The following TC2N variants were observed in gnomAD, a reference collection of about 807,000 sequenced individuals.
TC2N encodes tandem C2 domains nuclear protein.
A neutral mutation model predicts 61.9 loss-of-function variants in TC2N; 51 were observed. The observed-to-expected ratio is 0.82, with a 90% CI of 0.66 to 1.04. The LOEUF is 1.04. TC2N is among the 50% of genes least tolerant of loss of function. TC2N has a pLI of 0.00. For missense variants in TC2N, 556 were observed against 566.7 expected, an observed-to-expected ratio of 0.98 and a Z score of 0.19; for synonymous variants, 204 against 192.6, an observed-to-expected ratio of 1.06 and a Z score of -0.49.
Position 91,824,511 on chromosome 14 carries a change from A to T in TC2N, c.-56-10686T>A, listed in dbSNP as rs567356951. On this transcript the variant is annotated intron_variant, in intron 1 of 11. Coordinates refer to ENST00000435962, the MANE Select transcript of TC2N (RefSeq NM_001128596.3). Reference sequence around the variant, plus strand: ...ATCCAGCTAATTAACTAAGCCAGAAATACAAGTGCCATTCTTGAGTCCTTC... The same window carrying T: ...ATCCAGCTAATTAACTAAGCCAGAATTACAAGTGCCATTCTTGAGTCCTTC... Among the ~76,000 whole-genome samples, 379 of 152,310 alleles carry T rather than the reference A, an allele frequency of 2.5e-3. 8 individuals are homozygous for T. The South Asian group carries it at 0.054, about 22-fold the overall frequency.
At chr14:91,843,500 A>G (rs4572319) in intron 1 of TC2N, among the ~76,000 whole-genome samples, 149,369 of 152,334 alleles carry the variant, frequency 0.98, 73,310 homozygotes, top group East Asian at 1. Flanking sequence ...TTTTTTAATA[A>G]CAGAGATGAG....
intron 1 of TC2N, among the ~76,000 whole-genome samples, chr14:91,864,862 A>ACCTCTG (rs137975703): frequency 0.017 from 2,512 of 145,296 alleles, 35 homozygotes; most frequent in Non-Finnish European, 0.026. Flanking sequence ...GCTCACTGCA[A>ACCTCTG]CCTCTGCCTC....
At chr14:91,852,334 G>T (rs141112506) in intron 1 of TC2N, among the ~76,000 whole-genome samples, 83 of 152,288 alleles carry the variant, frequency 5.5e-4, no homozygotes, top group African/African-American at 1.9e-3. Flanking sequence ...GGGAGGCTGA[G>T]GTAGGAGAAT....
intron 1 of TC2N, among the ~76,000 whole-genome samples, chr14:91,864,777 CTTTTTTTTTTT>C (rs5810557): frequency 1.4e-5 from 1 of 70,800 alleles, no homozygotes; most frequent in Non-Finnish European, 3.0e-5. Context: ...CTGCCTTCAT[CTTTTTTTTTTT>C]TTTTTTTTTT....
Position 91,812,502 on chromosome 14 carries a change from T to C in TC2N, c.111A>G (p.Gln37=), listed in dbSNP as rs764286764. ...RDFKAAVPNS[Q]NATISVPPLT... ...ATGGAGGTACAGAGATAGTAGCATT[T>C]TGACTATTTGGGACTGCTGCTTTAA... is the stretch of plus-strand genomic sequence containing the variant. The change falls in exon 3 of 12, where the codon CAA becomes CAG. Residue 37 remains glutamine, a synonymous_variant. Coordinates refer to ENST00000435962, the MANE Select transcript of TC2N (RefSeq NM_001128596.3). 6 of 1,605,722 alleles carry C rather than the reference T, an allele frequency of 3.7e-6. No individual in the cohort carries two copies. The South Asian group carries it at 6.7e-5, about 18-fold the overall frequency.
At chr14:91,864,557 A>G (rs1888657710) in intron 1 of TC2N, among the ~76,000 whole-genome samples, 1 of 152,210 alleles carries the variant, frequency 6.6e-6, no homozygotes, top group African/African-American at 2.4e-5. Context: ...TTGCAATGTC[A>G]AATTCATTCT....
intron 8 of TC2N, among the ~76,000 whole-genome samples, chr14:91,796,332 C>G (rs1306301121): frequency 6.6e-6 from 1 of 151,922 alleles, no homozygotes; most frequent in Admixed American, 6.6e-5. Context: ...TGATCATTGT[C>G]TTTTTCATTT....
At chr14:91,841,578 C>T (rs933948308) in intron 1 of TC2N, among the ~76,000 whole-genome samples, 2 of 152,210 alleles carry the variant, frequency 1.3e-5, no homozygotes, top group African/African-American at 4.8e-5. Context: ...CAACTCTAGT[C>T]CCTGCTGGCC....
chr14:91,828,180 T>C (rs959875634), intron 1 of TC2N, among the ~76,000 whole-genome samples: 1 of 152,166 alleles, frequency 6.6e-6, no homozygotes, highest in Admixed American at 6.5e-5. Context: ...GATCTGAAAA[T>C]GTCCCTGATT....
chr14:91,851,493 T>C (rs894255457), intron 1 of TC2N, among the ~76,000 whole-genome samples: 1 of 152,200 alleles, frequency 6.6e-6, no homozygotes, highest in Non-Finnish European at 1.5e-5. Context: ...TGGCCAGTGC[T>C]CTAGAGCTGT....
intron 1 of TC2N, among the ~76,000 whole-genome samples, chr14:91,839,008 C>T (rs370866725): frequency 6.6e-6 from 1 of 151,942 alleles, no homozygotes; most frequent in Non-Finnish European, 1.5e-5. Flanking sequence ...TATTTGAGGC[C>T]GATCTAAGGA....
At chr14:91,808,957 T>C (rs1886643929) in intron 3 of TC2N, among the ~76,000 whole-genome samples, 1 of 152,130 alleles carries the variant, frequency 6.6e-6, no homozygotes, top group Non-Finnish European at 1.5e-5. Context: ...CATGGTTTAA[T>C]CCCAATGTTG....
intron 9 of TC2N, among the ~76,000 whole-genome samples, chr14:91,791,052 G>T (rs901186548): frequency 9.9e-5 from 15 of 151,702 alleles, no homozygotes; most frequent in African/African-American, 3.6e-4. Flanking sequence ...AGGATTGCTT[G>T]GTCGGGGAGA....
At chr14:91,810,766 A>C (rs979466725) in intron 3 of TC2N, among the ~76,000 whole-genome samples, 1 of 152,118 alleles carries the variant, frequency 6.6e-6, no homozygotes, top group African/African-American at 2.4e-5. Context: ...TAAAAAATTC[A>C]TGAATAGGCT....
chr14:91,835,650 G>A (rs1049947528), intron 1 of TC2N, among the ~76,000 whole-genome samples: 1 of 152,212 alleles, frequency 6.6e-6, no homozygotes, highest in African/African-American at 2.4e-5. Flanking sequence ...GGAAAACCTG[G>A]AAGAAATAGA....
At chr14:91,846,015 T>C (rs11625233) in intron 1 of TC2N, among the ~76,000 whole-genome samples, 64,547 of 151,772 alleles carry the variant, frequency 0.43, 15,208 homozygotes, top group Admixed American at 0.52. Flanking sequence ...CACCCGTTGA[T>C]CAGATGTTTA....
chr14:91,865,202 C>A (rs964056593), intron 1 of TC2N, among the ~76,000 whole-genome samples: 2 of 150,002 alleles, frequency 1.3e-5, no homozygotes, highest in South Asian at 2.1e-4. Flanking sequence ...TGTGTTGACA[C>A]CTATTTTCTC....
intron 1 of TC2N, among the ~76,000 whole-genome samples, 175 bp downstream of exon 1, chr14:91,867,087 C>CCTCT (rs3832962): frequency 0.85 from 128,438 of 151,654 alleles, 54,538 homozygotes; most frequent in East Asian, 0.89. Flanking sequence ...CTTTTATGAG[C>CCTCT]CTGAGTTTCT....
chr14:91,835,917 C>T (rs1054454756), intron 1 of TC2N, among the ~76,000 whole-genome samples: 16 of 152,134 alleles, frequency 1.1e-4, no homozygotes, highest in African/African-American at 3.4e-4. Context: ...GCGGCCGTCC[C>T]CGCCTGGGCT....
Sources: allele counts gnomAD v4.1 joint callset (sites outside exome capture counted in the v4.1 genomes callset), GRCh38; gene constraint gnomAD v4.1.1; transcripts MANE v1.5; gene names NCBI Gene and HGNC (gene_info 2026-07-23, HGNC 2026-07-21).